The following RBFOX1 variants were observed in gnomAD, a reference collection of about 807,000 sequenced individuals.
The protein encoded by RBFOX1 is RNA binding protein fox-1 homolog 1.
In RBFOX1, 8 loss-of-function variants were observed where a neutral mutation model predicts 57.7. The ratio of observed to expected loss-of-function variants is 0.14; its 90% CI spans 0.08 to 0.25. The LOEUF (loss-of-function observed/expected upper bound fraction) is 0.25. Among genes scored for constraint, RBFOX1 ranks in the 10% least tolerant of loss-of-function variants. The probability of loss-of-function intolerance (pLI) is 1.00; values close to 1 mark genes in which losing one functional copy is unlikely to be tolerated. For synonymous variants in RBFOX1, 326 were observed against 222.4 expected (o/e 1.47, Z -4.15); for missense variants, 611 against 548.5 (o/e 1.11, Z -1.14).
At chr16:6,531,152 C>T (rs781433974) in intron 2 of RBFOX1, among the ~76,000 whole-genome samples, 1 of 152,178 alleles carries the variant, frequency 6.6e-6, no homozygotes, top group Admixed American at 6.5e-5. Flanking sequence ...CAGGTTGTTT[C>T]CCTGCTTCCC....
intron 3 of RBFOX1, among the ~76,000 whole-genome samples, chr16:5,690,487 C>T (rs971583493): frequency 1.1e-4 from 17 of 152,096 alleles, no homozygotes; most frequent in South Asian, 2.1e-4. Context: ...CTGCCCGTAA[C>T]GCTCTTGGCA....
chr16:6,027,413 G>T (rs2095216941), intron 1 of RBFOX1, among the ~76,000 whole-genome samples: 1 of 152,174 alleles, frequency 6.6e-6, no homozygotes, highest in Non-Finnish European at 1.5e-5. Flanking sequence ...TACTAGGAAG[G>T]AGGCAGTGCA....
chr16:6,522,325 G>C (rs1160322565), intron 2 of RBFOX1, among the ~76,000 whole-genome samples: 1 of 152,080 alleles, frequency 6.6e-6, no homozygotes, highest in African/African-American at 2.4e-5. Flanking sequence ...TAATTCCAGA[G>C]ATGATATTTG....
intron 4 of RBFOX1, among the ~76,000 whole-genome samples, chr16:7,106,299 C>T (rs908549192): frequency 3.3e-5 from 5 of 152,182 alleles, no homozygotes; most frequent in Non-Finnish European, 5.9e-5. Flanking sequence ...AAATTACTGT[C>T]ATTCATCCTG....
chr16:7,178,819 T>C (rs2082149280), intron 4 of RBFOX1, among the ~76,000 whole-genome samples: 1 of 152,220 alleles, frequency 6.6e-6, no homozygotes, highest in South Asian at 2.1e-4. Context: ...TTCACACCTG[T>C]TATTCTGCAA....
At chr16:6,081,030 T>C (rs1358661227) in intron 1 of RBFOX1, among the ~76,000 whole-genome samples, 2 of 152,216 alleles carry the variant, frequency 1.3e-5, no homozygotes, top group Non-Finnish European at 2.9e-5. Context: ...TTTATTTACT[T>C]GACGGAGTCA....
intron 4 of RBFOX1, among the ~76,000 whole-genome samples, chr16:7,113,744 T>C (rs1797317664): frequency 6.6e-6 from 1 of 152,198 alleles, no homozygotes; most frequent in South Asian, 2.1e-4. Flanking sequence ...TCCTATGTTA[T>C]AGATGTGTTC....
At chr16:5,738,404 A>T (rs939791400) in intron 3 of RBFOX1, among the ~76,000 whole-genome samples, 8 of 151,832 alleles carry the variant, frequency 5.3e-5, no homozygotes, top group Non-Finnish European at 8.8e-5. Context: ...GGCCAAGGCA[A>T]GCAGATCACT....
chr16:6,893,241 G>C (rs1350243276), intron 3 of RBFOX1, among the ~76,000 whole-genome samples: 3 of 152,124 alleles, frequency 2.0e-5, no homozygotes, highest in Admixed American at 6.6e-5. Context: ...AGGGAACACA[G>C]CTTCTCCCAG....
At chr16:6,912,788 AT>A (rs113434905) in intron 3 of RBFOX1, among the ~76,000 whole-genome samples, 3,634 of 148,026 alleles carry the variant, frequency 0.025, 144 homozygotes, top group African/African-American at 0.084. Context: ...TGCCCGCCTA[AT>A]TTTTTTTTTT....
At chr16:5,683,629 G>A (rs1158650724) in intron 3 of RBFOX1, among the ~76,000 whole-genome samples, 2 of 151,896 alleles carry the variant, frequency 1.3e-5, no homozygotes, top group Non-Finnish European at 2.9e-5. Context: ...CAGACTCCAA[G>A]TTCTTTAGTT....
intron 2 of RBFOX1, among the ~76,000 whole-genome samples, chr16:6,368,027 C>T (rs1302134303): frequency 6.6e-6 from 1 of 152,136 alleles, no homozygotes; most frequent in Non-Finnish European, 1.5e-5. Flanking sequence ...CATAAATGTC[C>T]TATTTTCTTT....
rs2059423840 is a variant in RBFOX1, at chr16:5,947,481, C to T, written c.351+80146C>T. On this transcript the variant is annotated intron_variant, in intron 4 of 19. Coordinates refer to the RBFOX1 transcript ENST00000641259. The surrounding 1 kb of genome is among the most constrained non-coding windows in gnomAD (Gnocchi z 7.2). ...ATCTTGTGCTCAAGCCATTTTCCTG[C>T]CTCTGCCAGTTTTTAAAATTTTTAG... is the stretch of plus-strand genomic sequence containing the variant. Among the ~76,000 whole-genome samples, 1 of 152,098 alleles carries T rather than the reference C, an allele frequency of 6.6e-6. No homozygotes were observed. The highest frequency in any genetic ancestry group is 1.5e-5 in the Non-Finnish European group (1 of 68,030).
chr16:6,934,838 C>A lies in RBFOX1; in HGVS notation c.-15-117219C>A, dbSNP rs994948121. On this transcript the variant is annotated intron_variant, in intron 3 of 15. Transcript: ENST00000550418. Reference sequence around the variant, plus strand: ...CGGTGGCTCCTGCAGGTAATCCCAGCACTTTGGAAGGCCGAGGCTGGCAGA... The same window carrying A: ...CGGTGGCTCCTGCAGGTAATCCCAGAACTTTGGAAGGCCGAGGCTGGCAGA... Among the ~76,000 whole-genome samples the A allele has an allele frequency of 2.6e-5, 4 of 152,212 alleles. 1 individual carries two copies. In the South Asian group the frequency reaches 8.3e-4, roughly 32 times the overall value.
chr16:5,619,163 C>T (rs1337316327), intron 3 of RBFOX1, among the ~76,000 whole-genome samples: 1 of 152,160 alleles, frequency 6.6e-6, no homozygotes, highest in Non-Finnish European at 1.5e-5. Context: ...ACCTGTGAGG[C>T]CTCAGCTCTA....
Position 6,729,836 on chromosome 16 carries a change from T to G in RBFOX1, c.-16+75186T>G, listed in dbSNP as rs143102247. Among the ~76,000 whole-genome samples, 10 of 152,226 alleles carry G rather than the reference T, an allele frequency of 6.6e-5. No individual in the cohort carries two copies. In the East Asian group the frequency reaches 1.9e-3, roughly 29 times the overall value. On this transcript the variant is annotated intron_variant, in intron 3 of 15. Coordinates refer to ENST00000550418, the MANE Select transcript of RBFOX1 (RefSeq NM_018723.4). ...ATATTTCTCCTGGTAAATGCTGAAG[T>G]ATCGTGGGACAAATGGAGTTTGGAA...
intron 1 of RBFOX1, among the ~76,000 whole-genome samples, chr16:6,176,313 ATTTT>A (rs34667158): frequency 3.0e-4 from 29 of 95,234 alleles, no homozygotes; most frequent in African/African-American, 1.2e-3. Context: ...GCCTGACCAA[ATTTT>A]TTTTTTTTTT....
chr16:7,206,519 C>T (rs1034224509), intron 4 of RBFOX1, among the ~76,000 whole-genome samples: 3 of 151,832 alleles, frequency 2.0e-5, no homozygotes, highest in Admixed American at 6.6e-5. Flanking sequence ...TAGAAAGACA[C>T]TTGCAAGCTC....
chr16:5,747,528 T>C (rs1452923934), intron 3 of RBFOX1, among the ~76,000 whole-genome samples: 1 of 152,158 alleles, frequency 6.6e-6, no homozygotes, highest in Non-Finnish European at 1.5e-5. Context: ...GTTTTTTTGG[T>C]TGGTAGGCTA....
Sources: allele counts gnomAD v4.1 joint callset (sites outside exome capture counted in the v4.1 genomes callset), GRCh38; gene constraint gnomAD v4.1.1; non-coding constraint Gnocchi (gnomAD v3.1); transcripts MANE v1.5; gene names NCBI Gene and HGNC (gene_info 2026-07-23, HGNC 2026-07-21).